The following IL1RAPL2 variants were observed in gnomAD, a reference collection of about 807,000 sequenced individuals.
IL1RAPL2 encodes the protein X-linked interleukin-1 receptor accessory protein-like 2.
In IL1RAPL2, 3 loss-of-function variants were observed where a neutral mutation model predicts 44.1. That is an observed-to-expected ratio of 0.07 (90% CI 0.03 to 0.18). The LOEUF is 0.18. Among genes scored for constraint, IL1RAPL2 ranks in the 10% least tolerant of loss-of-function variants. IL1RAPL2 has a pLI of 1.00. For missense variants in IL1RAPL2, 391 were observed against 496.4 expected (o/e 0.79, Z 2.02); for synonymous variants, 181 against 178.8 (o/e 1.01, Z -0.10).
At chrX:104,864,195 A>G (rs1922558628) in intron 2 of IL1RAPL2, among the ~76,000 whole-genome samples, 1 of 112,103 alleles carries the variant, frequency 8.9e-6, no homozygotes, top group Admixed American at 9.5e-5. Context: ...GGATTCCCAC[A>G]TTGCATCTTT....
At chrX:105,454,155 C>T (rs1447332274) in intron 5 of IL1RAPL2, among the ~76,000 whole-genome samples, 1 of 111,195 alleles carries the variant, frequency 9.0e-6, no homozygotes, top group Non-Finnish European at 1.9e-5. Context: ...AGCAGCCCCC[C>T]GTTACTAATG....
intron 2 of IL1RAPL2, among the ~76,000 whole-genome samples, chrX:104,894,273 C>G (rs1353835276): frequency 1.8e-5 from 2 of 111,274 alleles, no homozygotes; most frequent in African/African-American, 6.5e-5. Context: ...TGGAGTTGCT[C>G]TTCTCGAGGA....
intron 10 of IL1RAPL2, among the ~76,000 whole-genome samples, chrX:105,756,032 G>A (rs894334848): frequency 9.0e-6 from 1 of 111,726 alleles, no homozygotes; most frequent in African/African-American, 3.2e-5. Context: ...GGGGAACACA[G>A]AGAAATCTAA....
intron 10 of IL1RAPL2, among the ~76,000 whole-genome samples, chrX:105,763,286 A>G (rs187601667): frequency 1.3e-3 from 141 of 112,118 alleles, no homozygotes; most frequent in African/African-American, 4.4e-3. Flanking sequence ...GGCCTAATGT[A>G]TCAGTCTCCA....
intron 6 of IL1RAPL2, among the ~76,000 whole-genome samples, chrX:105,495,296 G>T (rs2036349293): frequency 8.9e-6 from 1 of 111,932 alleles, no homozygotes; most frequent in Non-Finnish European, 1.9e-5. Flanking sequence ...CCTTCAAAAA[G>T]AGTATAATAT....
chrX:105,537,683 T>C (rs1267664858), intron 6 of IL1RAPL2, among the ~76,000 whole-genome samples: 1 of 111,715 alleles, frequency 9.0e-6, no homozygotes, highest in Non-Finnish European at 1.9e-5. Context: ...TTCAGTTTCT[T>C]AATTTGTAAA....
intron 6 of IL1RAPL2, among the ~76,000 whole-genome samples, chrX:105,594,534 AG>A (rs1160624663): frequency 3.6e-5 from 4 of 111,908 alleles, no homozygotes; most frequent in African/African-American, 6.5e-5. Context: ...AGCATCTGGT[AG>A]GACAAGTATT....
chrX:105,659,186 C>T (rs1394340878), intron 6 of IL1RAPL2, among the ~76,000 whole-genome samples: 1 of 109,618 alleles, frequency 9.1e-6, no homozygotes, highest in African/African-American at 3.3e-5. Flanking sequence ...CAACACCACC[C>T]GGGAACACAT....
chrX:105,338,037 A>G (rs1346501904), intron 5 of IL1RAPL2, among the ~76,000 whole-genome samples: 1 of 112,475 alleles, frequency 8.9e-6, no homozygotes, highest in Non-Finnish European at 1.9e-5. Flanking sequence ...ATGGCAAGAC[A>G]TGGGTTTTAA....
At position 104,658,910 on chromosome X, in the gene IL1RAPL2, A is replaced by C; in HGVS notation, c.-4A>C. On this transcript the variant is annotated 5_prime_UTR_variant, in exon 2 of 11. Coordinates refer to ENST00000372582, the MANE Select transcript of IL1RAPL2 (RefSeq NM_017416.2). ...GACTTTTCAGCTGTCAAGAAAAGTG[A>C]AGGATGAAGCCACCATTTCTTTTGG... 3.3e-6 allele frequency: 4 copies of C among 1,198,377 alleles called. No individual in the cohort carries two copies. The highest frequency in any genetic ancestry group is 4.5e-6 in the Non-Finnish European group (4 of 885,179).
At chrX:105,144,297 T>C (rs2033158909) in intron 2 of IL1RAPL2, among the ~76,000 whole-genome samples, 1 of 111,237 alleles carries the variant, frequency 9.0e-6, no homozygotes, top group Admixed American at 9.6e-5. Context: ...ACTTTATTTC[T>C]TTGGATTATT....
At chrX:104,743,981 A>G (rs1932133505) in intron 2 of IL1RAPL2, among the ~76,000 whole-genome samples, 1 of 110,475 alleles carries the variant, frequency 9.1e-6, no homozygotes, top group African/African-American at 3.3e-5. Context: ...CAAGCAGAAA[A>G]CAACCTCACC....
intron 6 of IL1RAPL2, among the ~76,000 whole-genome samples, chrX:105,581,031 A>C (rs970200669): frequency 9.0e-6 from 1 of 110,955 alleles, no homozygotes; most frequent in Non-Finnish European, 1.9e-5. Flanking sequence ...CCCTGGATAC[A>C]CACCAACTGG....
intron 2 of IL1RAPL2, among the ~76,000 whole-genome samples, chrX:104,922,542 GCTAT>G (rs1372983867): frequency 8.9e-6 from 1 of 112,018 alleles, no homozygotes; most frequent in Non-Finnish European, 1.9e-5. Flanking sequence ...CTACAGTAAG[GCTAT>G]CTATAATCAA....
chrX:104,607,092 A>G (rs1258083527), intron 1 of IL1RAPL2, among the ~76,000 whole-genome samples: 2 of 111,806 alleles, frequency 1.8e-5, no homozygotes, highest in African/African-American at 6.5e-5. Flanking sequence ...CCACACATCT[A>G]CAACCATCTG....
intron 4 of IL1RAPL2, among the ~76,000 whole-genome samples, chrX:105,235,345 C>T (rs1182825970): frequency 1.8e-5 from 2 of 111,906 alleles, no homozygotes; most frequent in Non-Finnish European, 3.8e-5. Flanking sequence ...AATTGACACA[C>T]TGAAGTTTTA....
rs187336506 is a variant in IL1RAPL2 at position 104,849,816 on chromosome X, G to A, written c.82+190821G>A. ...TTACTTAAGTCATGTGAACTAAAAA[G>A]CATTTGGGTTAATTACTATATTTTA... On this transcript the variant is annotated intron_variant, in intron 2 of 10. Transcript: ENST00000372582. Among the ~76,000 whole-genome samples, 653 of 110,760 alleles carry A rather than the reference G, an allele frequency of 5.9e-3. 3 individuals are homozygous for A. Among genetic ancestry groups the A allele is most frequent in the African/African-American group, 0.02 (621 of 30,582 alleles).
intron 2 of IL1RAPL2, among the ~76,000 whole-genome samples, chrX:104,895,526 A>G (rs955425422): frequency 8.9e-6 from 1 of 112,487 alleles, no homozygotes; most frequent in Non-Finnish European, 1.9e-5. Flanking sequence ...TTGCAGATCA[A>G]TCTCAGACTG....
chrX:105,355,730 T>C (rs929967294), intron 5 of IL1RAPL2, among the ~76,000 whole-genome samples: 10 of 111,876 alleles, frequency 8.9e-5, no homozygotes, highest in Non-Finnish European at 5.6e-5. Context: ...TGGTATTTCC[T>C]TGATTCTATT....
Sources: gnomAD v4.1 joint callset for allele counts (sites outside exome capture counted in the v4.1 genomes callset) on GRCh38, gnomAD v4.1.1 for gene constraint, MANE v1.5 for transcripts, NCBI Gene and HGNC (gene_info 2026-07-23, HGNC 2026-07-21) for gene names.